Variants in ATRNL1 observed in about 807,000 individuals in gnomAD.
ATRNL1 encodes the protein attractin-like protein 1.
In ATRNL1, 95 loss-of-function variants were observed where a neutral mutation model predicts 182.7. That is an observed-to-expected ratio of 0.52 (90% CI 0.44 to 0.62). ATRNL1 has a LOEUF of 0.62. Among genes scored for constraint, ATRNL1 ranks in the 20% least tolerant of loss-of-function variants. The pLI is 0.00. For missense variants in ATRNL1, 1,471 were observed against 1,679.5 expected (o/e 0.88, Z 2.17); for synonymous variants, 576 against 568.3 (o/e 1.01, Z -0.19).
intron 1 of ATRNL1, among the ~76,000 whole-genome samples, chr10:115,108,451 TG>T (rs1844117736): frequency 6.6e-6 from 1 of 152,202 alleles, no homozygotes. Context: ...AAGGACTGGC[TG>T]GTGGCAAATG....
rs1378998070 is a variant in ATRNL1 at position 115,093,759 on chromosome 10, T to C, written c.9T>C (p.Thr3=). ...CAGGGGCGCCGGGGAAGATGGAGAC[T>C]GGGGGCCGGGCCCGCACTGGTACCC... ME[T]GGRARTGTPQ... is the part of the protein sequence containing the mutation. The change falls in exon 1 of 29, where the codon ACT becomes ACC. Residue 3 remains threonine, a synonymous_variant. Transcript: ENST00000355044. The surrounding 1 kb of genome is among the most constrained non-coding windows in gnomAD (Gnocchi z 6.1). 1 of 1,414,760 alleles carries C rather than the reference T, an allele frequency of 7.1e-7. No individual in the cohort carries two copies. The highest frequency in any genetic ancestry group is 1.5e-5 in the African/African-American group (1 of 65,696). 87.6% of individuals were successfully genotyped at this position (1,414,760 alleles called of 1,614,324 possible).
chr10:115,337,425 TAGTA>T (rs1279141890), intron 19 of ATRNL1, among the ~76,000 whole-genome samples: 2 of 152,142 alleles, frequency 1.3e-5, no homozygotes, highest in African/African-American at 2.4e-5. Context: ...TGCTATCGAA[TAGTA>T]GGTCTTCTTC....
chr10:115,155,145 A>G (rs1846444848), intron 5 of ATRNL1, among the ~76,000 whole-genome samples: 1 of 151,596 alleles, frequency 6.6e-6, no homozygotes, highest in Non-Finnish European at 1.5e-5. Context: ...TTCTGTTTTA[A>G]TGGATTTTTT....
At chr10:115,265,931 C>T (rs1232664845) in intron 11 of ATRNL1, among the ~76,000 whole-genome samples, 10 of 151,704 alleles carry the variant, frequency 6.6e-5, no homozygotes, top group Admixed American at 2.0e-4. Context: ...TTTATTACCA[C>T]CTTATCCTAA....
intron 21 of ATRNL1, among the ~76,000 whole-genome samples, chr10:115,454,345 C>T (rs542117935): frequency 1.3e-5 from 2 of 152,102 alleles, no homozygotes; most frequent in East Asian, 3.9e-4. Context: ...TACCTCCAGC[C>T]TTTTTTCTTC....
At chr10:115,650,297 A>T (rs939715125) in intron 26 of ATRNL1, among the ~76,000 whole-genome samples, 2 of 152,112 alleles carry the variant, frequency 1.3e-5, no homozygotes, top group East Asian at 3.8e-4. Context: ...ACACGATTGG[A>T]CATGATTGTT....
At chr10:115,450,409 C>A (rs1449213147) in intron 21 of ATRNL1, among the ~76,000 whole-genome samples, 1 of 152,158 alleles carries the variant, frequency 6.6e-6, no homozygotes, top group Non-Finnish European at 1.5e-5. Flanking sequence ...AAGGCTCCTT[C>A]AACTTTTAAA....
chr10:115,261,526 G>T (rs1851391578), intron 10 of ATRNL1, among the ~76,000 whole-genome samples: 1 of 152,146 alleles, frequency 6.6e-6, no homozygotes, highest in Non-Finnish European at 1.5e-5. Flanking sequence ...GAAATTGCCA[G>T]ATATCTTGAT....
chr10:115,267,602 A>T (rs1312546440), intron 12 of ATRNL1, among the ~76,000 whole-genome samples: 1 of 152,046 alleles, frequency 6.6e-6, no homozygotes, highest in African/African-American at 2.4e-5. Context: ...ACAATTAATA[A>T]ATGTATTTTT....
chr10:115,451,761 A>C (rs1592678389), intron 21 of ATRNL1, among the ~76,000 whole-genome samples: 1 of 152,086 alleles, frequency 6.6e-6, no homozygotes, highest in African/African-American at 2.4e-5. Flanking sequence ...CATTACTTGG[A>C]ATATACCCAG....
At chr10:115,257,883 A>G (rs533412999) in intron 10 of ATRNL1, among the ~76,000 whole-genome samples, 166 of 152,250 alleles carry the variant, frequency 1.1e-3, no homozygotes, top group Non-Finnish European at 2.1e-3. Flanking sequence ...GTTTGGCTGG[A>G]TATGAAATTC....
At chr10:115,467,333 A>T (rs1039676915) in intron 23 of ATRNL1, 81 bp downstream of exon 23, 2 of 967,312 alleles carry the variant, frequency 2.1e-6, no homozygotes, top group East Asian at 5.6e-5. Flanking sequence ...TGTTAATTAA[A>T]TGTTTGAAAT....
chr10:115,832,872 A>G (rs1405191457), intron 27 of ATRNL1, among the ~76,000 whole-genome samples: 1 of 152,148 alleles, frequency 6.6e-6, no homozygotes, highest in Non-Finnish European at 1.5e-5. Flanking sequence ...CTCTGACAAG[A>G]TCATGAATTA....
chr10:115,365,703 A>T (rs1371198598), intron 19 of ATRNL1, among the ~76,000 whole-genome samples: 1 of 151,248 alleles, frequency 6.6e-6, no homozygotes, highest in Non-Finnish European at 1.5e-5. Context: ...TGCGTCCCAG[A>T]GATTCTGGTA....
intron 28 of ATRNL1, among the ~76,000 whole-genome samples, chr10:115,865,613 A>T (rs1203525897): frequency 6.6e-6 from 1 of 152,196 alleles, no homozygotes; most frequent in Non-Finnish European, 1.5e-5. Flanking sequence ...CCATTATAGA[A>T]AAATACCCCT....
At chr10:115,507,988 A>T (rs1367004801) in intron 24 of ATRNL1, among the ~76,000 whole-genome samples, 8 of 151,958 alleles carry the variant, frequency 5.3e-5, no homozygotes, top group African/African-American at 1.9e-4. Flanking sequence ...CACTTCAGAG[A>T]TGTTGTAGTT....
At chr10:115,227,563 T>C (rs1259959960) in intron 9 of ATRNL1, among the ~76,000 whole-genome samples, 1 of 152,156 alleles carries the variant, frequency 6.6e-6, no homozygotes, top group African/African-American at 2.4e-5. Flanking sequence ...CATTACTGGG[T>C]ATATGCACAA....
intron 19 of ATRNL1, among the ~76,000 whole-genome samples, chr10:115,381,781 T>C (rs1457490512): frequency 6.6e-6 from 1 of 152,132 alleles, no homozygotes; most frequent in Non-Finnish European, 1.5e-5. Context: ...TAACTCAAGG[T>C]CACAACGTTT....
chr10:115,743,729 CA>C (rs1555068401), intron 27 of ATRNL1, among the ~76,000 whole-genome samples: 1 of 151,804 alleles, frequency 6.6e-6, no homozygotes, highest in Non-Finnish European at 1.5e-5. Flanking sequence ...TTTAATTGCT[CA>C]ATTATGCAAC....
Sources: gnomAD v4.1 joint callset for allele counts (sites outside exome capture counted in the v4.1 genomes callset) on GRCh38, gnomAD v4.1.1 for gene constraint, Gnocchi (gnomAD v3.1) non-coding constraint, MANE v1.5 for transcripts, NCBI Gene and HGNC (gene_info 2026-07-23, HGNC 2026-07-21) for gene names.